RABGAP1L: variants seen among roughly 807,000 people sequenced by gnomAD.
RABGAP1L encodes RAB GTPase activating protein 1 like.
Under a neutral mutation model 137.7 loss-of-function variants are expected in RABGAP1L, and 63 were observed. That is an observed-to-expected ratio of 0.46 (90% CI 0.37 to 0.56). RABGAP1L has a LOEUF of 0.56. Ranked by LOEUF, RABGAP1L falls within the 20% of genes least tolerant of loss-of-function variation. The pLI is 0.00. For synonymous variants in RABGAP1L, 431 were observed against 433.7 expected, an observed-to-expected ratio of 0.99 and a Z score of 0.08; for missense variants, 1,095 against 1,244.0, an observed-to-expected ratio of 0.88 and a Z score of 1.80.
chr1:174,876,000 T>A (rs1433076691), intron 19 of RABGAP1L, among the ~76,000 whole-genome samples: 1 of 152,194 alleles, frequency 6.6e-6, no homozygotes, highest in Non-Finnish European at 1.5e-5. Flanking sequence ...AGCAATCAGG[T>A]GCTTTTCCCT....
In RABGAP1L at chr1:174,390,050, C is replaced by A. The variant is rs922231679; in HGVS notation, c.1560-3945C>A. On this transcript the variant is annotated intron_variant, in intron 12 of 25. Transcript: ENST00000681986. Reference sequence around the variant, plus strand: ...AAGCAATGATTATTTTTATAAATTTCTCTTTTATTTATTTGGATCTTCTCT... The same window carrying A: ...AAGCAATGATTATTTTTATAAATTTATCTTTTATTTATTTGGATCTTCTCT... Among the ~76,000 whole-genome samples the A allele has an allele frequency of 2.0e-5, 3 of 152,000 alleles. No homozygotes were observed. The South Asian group carries it at 6.2e-4, about 32-fold the overall frequency.
intron 7 of RABGAP1L, among the ~76,000 whole-genome samples, chr1:174,268,226 G>A (rs1674240376): frequency 6.7e-6 from 1 of 148,288 alleles, no homozygotes; most frequent in African/African-American, 2.5e-5. Context: ...TTGAGACGGA[G>A]TCTTGCTCTG....
chr1:174,335,686 A>G (rs1681410111), intron 11 of RABGAP1L, among the ~76,000 whole-genome samples: 1 of 152,214 alleles, frequency 6.6e-6, no homozygotes, highest in Non-Finnish European at 1.5e-5. Context: ...TCATACTTGC[A>G]TTTATACTTG....
chr1:174,386,795 C>T (rs1686830241), intron 12 of RABGAP1L, among the ~76,000 whole-genome samples: 1 of 152,114 alleles, frequency 6.6e-6, no homozygotes, highest in African/African-American at 2.4e-5. Context: ...GTGTGAGCCA[C>T]CGCACCGGCC....
At chr1:174,923,161 AGT>A (rs1662106903) in intron 19 of RABGAP1L, among the ~76,000 whole-genome samples, 1 of 151,868 alleles carries the variant, frequency 6.6e-6, no homozygotes, top group African/African-American at 2.4e-5. Flanking sequence ...AAAAAAAAAA[AGT>A]AGAGCATATC....
At chr1:174,976,243 A>G in intron 22 of RABGAP1L, 61 bp downstream of exon 22, 1 of 1,317,910 alleles carries the variant, frequency 7.6e-7, no homozygotes, top group Non-Finnish European at 1.1e-6. Context: ...AATTAACACT[A>G]TAAAAAAGAA....
intron 18 of RABGAP1L, among the ~76,000 whole-genome samples, chr1:174,790,647 C>A (rs998186011): frequency 6.6e-6 from 1 of 151,906 alleles, no homozygotes; most frequent in African/African-American, 2.4e-5. Flanking sequence ...AAGAGAAAGC[C>A]TCTGTGAGCA....
chr1:174,498,583 G>C (rs1180870928), intron 13 of RABGAP1L, among the ~76,000 whole-genome samples: 2 of 151,642 alleles, frequency 1.3e-5, no homozygotes, highest in Non-Finnish European at 2.9e-5. Context: ...TGAAACCTCT[G>C]CCTCCTGGGT....
chr1:174,871,405 T>C (rs1374241554), intron 19 of RABGAP1L, among the ~76,000 whole-genome samples: 1 of 152,194 alleles, frequency 6.6e-6, no homozygotes, highest in African/African-American at 2.4e-5. Flanking sequence ...GTGCTGAGAT[T>C]ACAGGCATGA....
chr1:174,731,566 A>G (rs1384162705), intron 17 of RABGAP1L, among the ~76,000 whole-genome samples: 5 of 152,250 alleles, frequency 3.3e-5, no homozygotes, highest in Admixed American at 2.0e-4. Flanking sequence ...AACAAAAGAA[A>G]CAAACAAAAA....
chr1:174,227,641 C>T (rs1241374357), intron 3 of RABGAP1L, among the ~76,000 whole-genome samples: 1 of 152,054 alleles, frequency 6.6e-6, no homozygotes, highest in Non-Finnish European at 1.5e-5. Flanking sequence ...TATTTTATCT[C>T]CATTATTGGC....
chr1:174,396,586 G>A (rs1202175944), intron 13 of RABGAP1L, among the ~76,000 whole-genome samples: 1 of 151,832 alleles, frequency 6.6e-6, no homozygotes, highest in East Asian at 1.9e-4. Flanking sequence ...ACTTTTTCTT[G>A]TAAATAATAA....
chr1:174,906,347 G>C (rs1183995838), intron 19 of RABGAP1L, among the ~76,000 whole-genome samples: 2 of 152,116 alleles, frequency 1.3e-5, no homozygotes, highest in Non-Finnish European at 2.9e-5. Flanking sequence ...ATAATAATAG[G>C]CTGGGTGCAT....
At chr1:174,879,397 C>CT (rs34724195) in intron 19 of RABGAP1L, among the ~76,000 whole-genome samples, 49,004 of 150,192 alleles carry the variant, frequency 0.33, 9,508 homozygotes, top group African/African-American at 0.55. Context: ...GGTGCACAGC[C>CT]TTTTTTTTTG....
At chr1:174,606,816 G>A (rs1168527919) in intron 13 of RABGAP1L, among the ~76,000 whole-genome samples, 1 of 152,138 alleles carries the variant, frequency 6.6e-6, no homozygotes, top group Non-Finnish European at 1.5e-5. Flanking sequence ...TCTATTCATA[G>A]CAGTATCTGT....
intron 5 of RABGAP1L, among the ~76,000 whole-genome samples, chr1:174,249,373 A>T (rs1010068518): frequency 5.3e-5 from 8 of 152,096 alleles, no homozygotes; most frequent in African/African-American, 1.9e-4. Flanking sequence ...GTGAAGAGAG[A>T]ACTTGGAGAC....
At chr1:174,268,715 TC>T (rs1348031027) in intron 7 of RABGAP1L, among the ~76,000 whole-genome samples, 1 of 152,150 alleles carries the variant, frequency 6.6e-6, no homozygotes, top group Non-Finnish European at 1.5e-5. Context: ...TGCAGTTAAG[TC>T]TAAAGCCGTA....
chr1:174,286,523 A>C (rs1025601219), intron 10 of RABGAP1L, among the ~76,000 whole-genome samples: 3 of 151,142 alleles, frequency 2.0e-5, no homozygotes, highest in Admixed American at 6.6e-5. Context: ...AGTTTTGTCC[A>C]TCTTTTCTGT....
rs767609155 is a variant in RABGAP1L at position 174,250,503 on chromosome 1, C to T, written c.746C>T (p.Thr249Ile). ...AGCAGAATTTTGTACAGTTTCTGTA[C>T]AGCATTCAAACGTTCTTCCAGACAA... The part of the protein sequence containing the change: ...AVSRILYSFC[T>I]AFKRSSRQVS... The change falls in exon 6 of 26, where the codon ACA becomes ATA. Residue 249 changes from threonine (T) to isoleucine (I), a missense_variant. Physicochemically the swap from Thr to Ile is moderately conservative, Grantham distance 89 (BLOSUM62 -1). Transcript: ENST00000681986. The T allele has an allele frequency of 1.2e-6, 2 of 1,612,882 alleles. No individual in the cohort carries two copies. Among genetic ancestry groups the T allele is most frequent in the South Asian group, 1.1e-5 (1 of 90,936 alleles).
Sources: allele counts gnomAD v4.1 joint callset (sites outside exome capture counted in the v4.1 genomes callset), GRCh38; gene constraint gnomAD v4.1.1; transcripts MANE v1.5; gene names NCBI Gene and HGNC (gene_info 2026-07-23, HGNC 2026-07-21).